SLC25A25: variants seen among roughly 807,000 people sequenced by gnomAD.
SLC25A25 encodes solute carrier family 25 member 25, also known as mitochondrial adenyl nucleotide antiporter SLC25A25.
Under a neutral mutation model 57.7 loss-of-function variants are expected in SLC25A25, and 32 were observed. The observed-to-expected ratio is 0.55, with a 90% CI of 0.42 to 0.74. SLC25A25 has a LOEUF of 0.74. SLC25A25 is among the 30% of genes least tolerant of loss of function. The pLI is 0.00. For synonymous variants in SLC25A25, 306 were observed against 291.2 expected (o/e 1.05, Z -0.52); for missense variants, 556 against 701.3 (o/e 0.79, Z 2.34).
intron 1 of SLC25A25, among the ~76,000 whole-genome samples, chr9:128,069,633 A>G (rs944714023): frequency 6.6e-6 from 1 of 152,240 alleles, no homozygotes; most frequent in Non-Finnish European, 1.5e-5. Context: ...CTCATGTTCA[A>G]GATTCTTGGA....
rs1437267755 is a variant in SLC25A25 at position 128,107,070 on chromosome 9, C to T, written c.1254C>T (p.Ser418=). The T allele has an allele frequency of 1.7e-5, 28 of 1,614,024 alleles. No individual in the cohort carries two copies. Among genetic ancestry groups the T allele is most frequent in the East Asian group, 4.5e-5 (2 of 44,900 alleles). The change falls in exon 10 of 11, where the codon AGC becomes AGT. Residue 418 remains serine (S), a synonymous_variant. Coordinates refer to ENST00000373069, the MANE Select transcript of SLC25A25 (RefSeq NM_001330988.2). The part of the protein sequence containing the change: ...NAWLQHYAVN[S]ADPGVFVLLA... ...GGCTGCAGCACTATGCAGTGAACAG[C>T]GCGGACCCCGGCGTGTTTGTGCTCC...
At position 128,095,145 on chromosome 9, in the gene SLC25A25, G is replaced by T. The variant is rs1357172877; in HGVS notation, c.262-5951G>T. 1.3e-5 allele frequency among the ~76,000 whole-genome samples: 2 copies of T among 152,198 alleles called. No individual in the cohort carries two copies. The highest frequency in any genetic ancestry group is 4.8e-5 in the African/African-American group (2 of 41,450). On this transcript the variant is annotated intron_variant, in intron 1 of 10. Coordinates refer to ENST00000373069, the MANE Select transcript of SLC25A25 (RefSeq NM_001330988.2). The surrounding 1 kb of genome is among the most constrained non-coding windows in gnomAD (Gnocchi z 4.4). ...TGTGACACAAACACCGTTTTTGGTTGTATTTAGCTAGGGCTCAACTTGCTC... is the reference window on the plus strand; with the variant it reads ...TGTGACACAAACACCGTTTTTGGTTTTATTTAGCTAGGGCTCAACTTGCTC...
chr9:128,075,000 G>T (rs1832979535), intron 1 of SLC25A25, among the ~76,000 whole-genome samples: 1 of 152,120 alleles, frequency 6.6e-6, no homozygotes, highest in African/African-American at 2.4e-5. Context: ...GCCAGGCATG[G>T]TGGCGTATGC....
At chr9:128,074,673 C>G (rs536266282) in intron 1 of SLC25A25, among the ~76,000 whole-genome samples, 1 of 152,066 alleles carries the variant, frequency 6.6e-6, no homozygotes, top group South Asian at 2.1e-4. Flanking sequence ...CGTGCCAACA[C>G]GGGCCTGGCC....
rs1834024113 is a variant in SLC25A25 at position 128,106,152 on chromosome 9, C to T, written c.939C>T (p.Ile313=). The change falls in exon 8 of 11, where the codon ATC becomes ATT. Residue 313 remains isoleucine, a splice_region_variant and synonymous_variant. Coordinates refer to ENST00000373069, the MANE Select transcript of SLC25A25 (RefSeq NM_001330988.2). ...SAIKFMAYEQ[I]KRLVGSDQET... is the part of the protein sequence containing the mutation. Reference sequence around the variant, plus strand: ...GGTTTGTTTGTTCCTGGTTCTAGATCAAGCGCCTTGTTGGTAGTGACCAGG... The same window carrying T: ...GGTTTGTTTGTTCCTGGTTCTAGATTAAGCGCCTTGTTGGTAGTGACCAGG... 2 of 1,614,092 alleles carry T rather than the reference C, an allele frequency of 1.2e-6. No homozygotes were observed. Among genetic ancestry groups the T allele is most frequent in the African/African-American group, 1.3e-5 (1 of 74,954 alleles).
chr9:128,105,437 C>G (rs562647158), intron 6 of SLC25A25, among the ~76,000 whole-genome samples: 145 of 152,090 alleles, frequency 9.5e-4, no homozygotes, highest in Middle Eastern at 3.4e-3. Context: ...TCCCAAAGTG[C>G]TGGGATTACA....
intron 1 of SLC25A25, 153 bp from the exon 2 acceptor site, chr9:128,100,942 TG>T: frequency 9.8e-7 from 1 of 1,015,736 alleles, no homozygotes; most frequent in Non-Finnish European, 1.4e-6. Context: ...TCGATTGCCA[TG>T]GTGGCTCTGA....
intron 1 of SLC25A25, among the ~76,000 whole-genome samples, chr9:128,090,737 G>A (rs1250008089): frequency 6.6e-6 from 1 of 152,092 alleles, no homozygotes; most frequent in Admixed American, 6.5e-5. Flanking sequence ...GCTTGAACCT[G>A]GGAGGTGGAG....
At chr9:128,082,046 G>C (rs961898263) in intron 1 of SLC25A25, among the ~76,000 whole-genome samples, 1 of 152,126 alleles carries the variant, frequency 6.6e-6, no homozygotes, top group African/African-American at 2.4e-5. Flanking sequence ...CTTTCTTGTA[G>C]AGAAAAGAAA....
chr9:128,096,850 A>G (rs1032639278), intron 1 of SLC25A25, among the ~76,000 whole-genome samples: 1 of 152,226 alleles, frequency 6.6e-6, no homozygotes, highest in Non-Finnish European at 1.5e-5. Context: ...GCTGAGTGTC[A>G]TGGATTTAGC....
rs1415382060 is a variant in SLC25A25 at position 128,102,015 on chromosome 9, A to G, written c.477-65A>G. 1.3e-6 allele frequency: 2 copies of G among 1,540,332 alleles called. No homozygotes were observed. Among genetic ancestry groups the G allele is most frequent in the African/African-American group, 1.4e-5 (1 of 72,750 alleles). ...CTGGGTGTGTGCTTGCTTCACTAAC[A>G]TGGCTCCGAGCACTTATGCGTGTTG... On this transcript the variant is annotated intron_variant, in intron 3 of 10. Transcript: ENST00000373069. The surrounding 1 kb of genome is among the most constrained non-coding windows in gnomAD (Gnocchi z 4.1).
intron 1 of SLC25A25, among the ~76,000 whole-genome samples, chr9:128,085,414 G>C (rs918080447): frequency 1.3e-5 from 2 of 151,944 alleles, no homozygotes; most frequent in Non-Finnish European, 2.9e-5. Context: ...AGGATCACTT[G>C]AGCCCAGGAG....
intron 1 of SLC25A25, among the ~76,000 whole-genome samples, chr9:128,080,250 CAAAAAAAAAA>C (rs1383638638): frequency 7.1e-6 from 1 of 140,812 alleles, no homozygotes; most frequent in African/African-American, 2.8e-5. Flanking sequence ...AACAAAAAAA[CAAAAAAAAAA>C]CCCACAAAAA....
intron 7 of SLC25A25, 120 bp from the exon 8 acceptor site, chr9:128,106,030 C>T: frequency 6.5e-7 from 1 of 1,533,236 alleles, no homozygotes; most frequent in Non-Finnish European, 8.9e-7. Flanking sequence ...CCAGGCTCAC[C>T]ACGAGTTCCT....
chr9:128,084,406 G>A (rs1462727826), intron 1 of SLC25A25, among the ~76,000 whole-genome samples: 1 of 151,826 alleles, frequency 6.6e-6, no homozygotes, highest in Non-Finnish European at 1.5e-5. Flanking sequence ...GTTTCCAGGC[G>A]CCCACCTCGG....
At chr9:128,088,464 G>A (rs1833327100) in intron 1 of SLC25A25, among the ~76,000 whole-genome samples, 1 of 152,184 alleles carries the variant, frequency 6.6e-6, no homozygotes, top group African/African-American at 2.4e-5. Flanking sequence ...AGCTGCCCTG[G>A]CCTGGCCTCC....
chr9:128,089,930 C>G (rs374582510), intron 1 of SLC25A25, among the ~76,000 whole-genome samples: 2 of 152,028 alleles, frequency 1.3e-5, no homozygotes, highest in Non-Finnish European at 1.5e-5. Context: ...CCACTGCGCT[C>G]GGCCTTCTTT....
intron 1 of SLC25A25, among the ~76,000 whole-genome samples, chr9:128,096,390 T>G (rs1366690593): frequency 6.6e-6 from 1 of 152,042 alleles, no homozygotes; most frequent in East Asian, 1.9e-4. Context: ...GCGCCTATAA[T>G]CTCAACTACT....
At chr9:128,091,853 C>T (rs763866831) in intron 1 of SLC25A25, 3 of 1,596,268 alleles carry the variant, frequency 1.9e-6, no homozygotes, top group East Asian at 2.2e-5. Context: ...CCATCAGAGG[C>T]GTTTGGAGGA....
Sources: allele counts gnomAD v4.1 joint callset (sites outside exome capture counted in the v4.1 genomes callset), GRCh38; gene constraint gnomAD v4.1.1; non-coding constraint Gnocchi (gnomAD v3.1); transcripts MANE v1.5; gene names NCBI Gene and HGNC (gene_info 2026-07-23, HGNC 2026-07-21).